The following C1GALT1 variants were observed in gnomAD, a reference collection of about 807,000 sequenced individuals.
C1GALT1 encodes glycoprotein-N-acetylgalactosamine 3-beta-galactosyltransferase 1.
In C1GALT1, 11 loss-of-function variants were observed where a neutral mutation model predicts 31.0. That is an observed-to-expected ratio of 0.36 (90% CI 0.22 to 0.59). C1GALT1 has a LOEUF of 0.59. C1GALT1 is among the 20% of genes least tolerant of loss of function. The pLI is 0.79. For missense variants in C1GALT1, 424 were observed against 425.2 expected, an observed-to-expected ratio of 1.00 and a Z score of 0.03; for synonymous variants, 175 against 143.6, an observed-to-expected ratio of 1.22 and a Z score of -1.56.
chr7:7,213,464 C>G (rs1407580564), intron 1 of C1GALT1, among the ~76,000 whole-genome samples: 7 of 152,166 alleles, frequency 4.6e-5, no homozygotes, highest in Non-Finnish European at 8.8e-5. Flanking sequence ...GATTGGACAT[C>G]ATTTTGGCAA....
At chr7:7,190,348 G>A (rs964541935) in intron 1 of C1GALT1, among the ~76,000 whole-genome samples, 35 of 152,200 alleles carry the variant, frequency 2.3e-4, no homozygotes, top group African/African-American at 8.2e-4. Context: ...TGTTGTGTCT[G>A]GAAACCCCTT....
At chr7:7,162,753 T>A (rs946018429) in intron 2 of C1GALT1, among the ~76,000 whole-genome samples, 34 of 152,172 alleles carry the variant, frequency 2.2e-4, no homozygotes, top group African/African-American at 7.7e-4. Flanking sequence ...GTGTTCCTAT[T>A]TCTCCACATC....
chr7:7,202,335 G>A (rs1011625097), intron 1 of C1GALT1, among the ~76,000 whole-genome samples: 4 of 152,190 alleles, frequency 2.6e-5, no homozygotes, highest in Admixed American at 6.5e-5. Flanking sequence ...GTGTGTCTGA[G>A]TGGGAGCTCC....
Position 7,234,267 on chromosome 7 carries a change from G to C in C1GALT1, c.-17-36G>C, listed in dbSNP as rs1352806995. ...TTACTCCGGTTATGTATACAGCTTT[G>C]ATTTTATAACATCCTGCTAATTTTT... On this transcript the variant is annotated intron_variant, in intron 1 of 3. Coordinates refer to ENST00000436587, the MANE Select transcript of C1GALT1 (RefSeq NM_020156.5). The C allele has an allele frequency of 7.3e-6, 11 of 1,508,382 alleles. No homozygotes were observed. In the East Asian group the frequency reaches 2.5e-4, roughly 34 times the overall value. The allele number at this position is 1,508,382 out of a possible 1,614,324, so 93.4% of individuals were successfully genotyped here.
chr7:7,181,299 A>G (rs1322413561), upstream of C1GALT1, among the ~76,000 whole-genome samples: 1 of 120,408 alleles, frequency 8.3e-6, no homozygotes, highest in Non-Finnish European at 1.8e-5. Flanking sequence ...ACAACTGTAT[A>G]CAAGTTGGGG....
chr7:7,166,956 T>A (rs1484222510), intron 2 of C1GALT1, among the ~76,000 whole-genome samples: 1 of 152,200 alleles, frequency 6.6e-6, no homozygotes, highest in Non-Finnish European at 1.5e-5. Flanking sequence ...CAATCTTACT[T>A]CAAAGACCAA....
intron 3 of C1GALT1, among the ~76,000 whole-genome samples, chr7:7,240,569 C>T (rs1783579455): frequency 6.6e-6 from 1 of 152,110 alleles, no homozygotes; most frequent in Non-Finnish European, 1.5e-5. Flanking sequence ...AAACATGTAG[C>T]AAATACATCC....
chr7:7,185,533 T>C (rs1329733946), intron 1 of C1GALT1, among the ~76,000 whole-genome samples: 2 of 152,232 alleles, frequency 1.3e-5, no homozygotes, highest in Admixed American at 6.5e-5. Flanking sequence ...GCCTCTTAGC[T>C]TGTTGTGTTA....
chr7:7,226,671 C>T (rs1460077824), intron 1 of C1GALT1, among the ~76,000 whole-genome samples: 4 of 152,036 alleles, frequency 2.6e-5, no homozygotes, highest in Non-Finnish European at 4.4e-5. Context: ...TCAGATGTGG[C>T]ACCGATTAGC....
intron 1 of C1GALT1, among the ~76,000 whole-genome samples, chr7:7,213,789 C>G (rs949212093): frequency 6.6e-6 from 1 of 152,152 alleles, no homozygotes; most frequent in African/African-American, 2.4e-5. Flanking sequence ...TCTTTACAAA[C>G]CTTTTATAAC....
At chr7:7,194,602 A>G (rs539946328) in intron 1 of C1GALT1, among the ~76,000 whole-genome samples, 5 of 152,080 alleles carry the variant, frequency 3.3e-5, no homozygotes, top group Admixed American at 2.0e-4. Context: ...TTTTGCATCT[A>G]TGTTCATCAG....
chr7:7,182,258 CT>C (rs1780613569), upstream of C1GALT1, among the ~76,000 whole-genome samples: 1 of 152,192 alleles, frequency 6.6e-6, no homozygotes, highest in Admixed American at 6.5e-5. Flanking sequence ...CATCCCCTTT[CT>C]CGCTCCCTAT....
rs754650842 is a variant in C1GALT1, at chr7:7,243,703, A to G, written c.1068A>G (p.Thr356=). The stretch of plus-strand genomic sequence containing the variant: ...GTCAAGCAAACAAAAATGAAGATAC[A>G]AAAGTGAAGTTAGGAAATCCTTGAA... The part of the protein sequence containing the change: ...EISQANKNED[T]KVKLGNP Residue 356 remains threonine, a synonymous_variant, in exon 4 of 4, where the codon ACA becomes ACG. Coordinates refer to ENST00000436587, the MANE Select transcript of C1GALT1 (RefSeq NM_020156.5). The G allele has an allele frequency of 3.7e-6, 6 of 1,605,924 alleles. No homozygotes were observed. Among genetic ancestry groups the G allele is most frequent in the Non-Finnish European group, 4.2e-6 (5 of 1,177,378 alleles).
At chr7:7,232,431 C>T (rs1783121311) in intron 1 of C1GALT1, among the ~76,000 whole-genome samples, 1 of 151,190 alleles carries the variant, frequency 6.6e-6, no homozygotes. Context: ...TTGCCCTCTG[C>T]TGTTAGTGGT....
chr7:7,237,945 A>G (rs1167538487), intron 2 of C1GALT1, among the ~76,000 whole-genome samples: 1 of 152,212 alleles, frequency 6.6e-6, no homozygotes, highest in Non-Finnish European at 1.5e-5. Flanking sequence ...TCTGGGCCTA[A>G]GATTATGCAT....
chr7:7,237,202 G>A (rs1783401592), intron 2 of C1GALT1, among the ~76,000 whole-genome samples: 1 of 151,518 alleles, frequency 6.6e-6, no homozygotes, highest in Non-Finnish European at 1.5e-5. Flanking sequence ...ACCTCTTTTA[G>A]AAATAAAAAT....
At chr7:7,205,623 A>G (rs1781708261) in intron 1 of C1GALT1, among the ~76,000 whole-genome samples, 1 of 152,186 alleles carries the variant, frequency 6.6e-6, no homozygotes, top group African/African-American at 2.4e-5. Context: ...TATAATTGTT[A>G]TATCTTTTGC....
intron 1 of C1GALT1, among the ~76,000 whole-genome samples, chr7:7,224,594 A>G (rs1049225730): frequency 6.6e-6 from 1 of 152,106 alleles, no homozygotes; most frequent in Non-Finnish European, 1.5e-5. Flanking sequence ...GAATTGGTCC[A>G]TTTCATCTAA....
At chr7:7,221,885 G>A (rs1358187661) in intron 1 of C1GALT1, among the ~76,000 whole-genome samples, 2 of 152,198 alleles carry the variant, frequency 1.3e-5, no homozygotes, top group Admixed American at 1.3e-4. Flanking sequence ...TGCCGTGGAA[G>A]TGTCTGGAAA....
Sources: gnomAD v4.1 joint callset for allele counts (sites outside exome capture counted in the v4.1 genomes callset) on GRCh38, gnomAD v4.1.1 for gene constraint, MANE v1.5 for transcripts, NCBI Gene and HGNC (gene_info 2026-07-23, HGNC 2026-07-21) for gene names.